ZFPM1: variants seen among roughly 807,000 people sequenced by gnomAD.
The protein encoded by ZFPM1 is zinc finger protein ZFPM1.
ZFPM1 carries 28 observed loss-of-function variants against 46.3 expected under a neutral mutation model. The ratio of observed to expected loss-of-function variants is 0.60; its 90% CI spans 0.45 to 0.83. The LOEUF (loss-of-function observed/expected upper bound fraction) is 0.83. Ranked by LOEUF, ZFPM1 falls within the 40% of genes least tolerant of loss-of-function variation. The probability of loss-of-function intolerance (pLI) is 0.00; values close to 1 mark genes in which losing one functional copy is unlikely to be tolerated. For missense variants in ZFPM1, 1,878 were observed against 1,432.4 expected (o/e 1.31, Z -5.02); for synonymous variants, 957 against 675.9 (o/e 1.42, Z -6.45).
intron 1 of ZFPM1, 43 bp from the exon 2 acceptor site, chr16:88,485,896 C>T (rs1909193330): frequency 2.5e-6 from 4 of 1,578,326 alleles, no homozygotes; most frequent in Non-Finnish European, 2.6e-6. Flanking sequence ...AGGAGCTGTC[C>T]CCCCAGAGCT....
chr16:88,462,163 G>T (rs1330151489), intron 1 of ZFPM1, among the ~76,000 whole-genome samples: 5 of 152,174 alleles, frequency 3.3e-5, no homozygotes, highest in Non-Finnish European at 7.4e-5. Flanking sequence ...CTGTGCCTCC[G>T]TCTGCTTCCC....
intron 1 of ZFPM1, among the ~76,000 whole-genome samples, chr16:88,456,575 A>T (rs536886391): frequency 6.6e-6 from 1 of 152,086 alleles, no homozygotes; most frequent in African/African-American, 2.4e-5. Context: ...CAAGGGGAGC[A>T]GGGGGCACGT....
rs939426761 is a variant in ZFPM1, at chr16:88,536,386, A to G, written c.*1407A>G. The G allele has an allele frequency of 5.9e-5, 9 of 152,122 alleles. No individual in the cohort carries two copies. Among genetic ancestry groups the G allele is most frequent in the Non-Finnish European group, 1.0e-4 (7 of 68,006 alleles). The allele number at this position is 152,122 out of a possible 1,614,324, so 9.4% of individuals were successfully genotyped here. On this transcript the variant is annotated 3_prime_UTR_variant, in exon 10 of 10. Transcript: ENST00000319555. Reference sequence around the variant, plus strand: ...ACAGGGTCTTCCTGTGTTGCCCAAGATGGTCTCAAACTCCTGACCTCCAGT... The same window carrying G: ...ACAGGGTCTTCCTGTGTTGCCCAAGGTGGTCTCAAACTCCTGACCTCCAGT...
intron 4 of ZFPM1, among the ~76,000 whole-genome samples, chr16:88,522,410 G>A (rs1036153058): frequency 6.6e-6 from 1 of 152,218 alleles, no homozygotes; most frequent in Non-Finnish European, 1.5e-5. Flanking sequence ...TGAACCTGCT[G>A]CTGGCCCACT....
At chr16:88,499,008 G>A (rs1018879542) in intron 3 of ZFPM1, among the ~76,000 whole-genome samples, 1 of 152,212 alleles carries the variant, frequency 6.6e-6, no homozygotes, top group Non-Finnish European at 1.5e-5. Flanking sequence ...GGCCCTGTGG[G>A]CGGAGCCCCT....
chr16:88,453,801 CGCCCCCCGCGCTGT>C, intron 1 of ZFPM1, 123 bp downstream of exon 1: 1 of 520,734 alleles, frequency 1.9e-6, no homozygotes, highest in Non-Finnish European at 2.5e-6. Flanking sequence ...CCCCGCGCCG[CGCCCCCCGCGCTGT>C]GCCAAGCGCG....
intron 1 of ZFPM1, among the ~76,000 whole-genome samples, chr16:88,456,922 G>A (rs77729002): frequency 0.024 from 3,668 of 152,266 alleles, 140 homozygotes; most frequent in African/African-American, 0.084. Flanking sequence ...AGGGCCTTCC[G>A]GAAGGAGCCG....
At chr16:88,485,077 A>G (rs113310459) in intron 1 of ZFPM1, among the ~76,000 whole-genome samples, 11 of 152,350 alleles carry the variant, frequency 7.2e-5, no homozygotes, top group African/African-American at 2.4e-4. Context: ...GGGAGTTCCC[A>G]GACCGAGGGA....
Position 88,535,059 on chromosome 16 carries a change from G to C in ZFPM1, c.*80G>C, listed in dbSNP as rs1061797. 0.034 allele frequency: 45,687 copies of C among 1,337,148 alleles called. 1,549 individuals carry two copies. Among genetic ancestry groups the C allele is most frequent in the African/African-American group, 0.17 (11,143 of 66,406 alleles). The allele number at this position is 1,337,148 out of a possible 1,614,324, so 82.8% of individuals were successfully genotyped here. On this transcript the variant is annotated 3_prime_UTR_variant, in exon 10 of 10. Coordinates refer to ENST00000319555, the MANE Select transcript of ZFPM1 (RefSeq NM_153813.3). ...GGGCCGCCCCCAGGCCGCACGGACT[G>C]CCGCTCCTGGGAACCCCGCCACGCA...
Position 88,485,888 on chromosome 16 carries a change from G to A in ZFPM1, c.41-51G>A, listed in dbSNP as rs777819578. The A allele has an allele frequency of 2.5e-6, 4 of 1,573,374 alleles. No individual in the cohort carries two copies. The South Asian group carries it at 4.5e-5, about 18-fold the overall frequency. On this transcript the variant is annotated intron_variant, in intron 1 of 9. Coordinates refer to ENST00000319555, the MANE Select transcript of ZFPM1 (RefSeq NM_153813.3). ...TATGCCAGGAGGGGTCAGGAGGCAG[G>A]AGCTGTCCCCCCAGAGCTCCTCCCG...
intron 3 of ZFPM1, 101 bp downstream of exon 3, chr16:88,489,254 T>C: frequency 6.9e-7 from 1 of 1,457,550 alleles, no homozygotes; most frequent in Admixed American, 2.5e-5. Context: ...GTGTGCAGGT[T>C]GCTGGAGACC....
intron 4 of ZFPM1, 129 bp from the exon 5 acceptor site, chr16:88,526,685 G>A (rs890116605): frequency 2.0e-5 from 20 of 1,003,950 alleles, no homozygotes; most frequent in Non-Finnish European, 3.0e-5. Flanking sequence ...GCCAATGACT[G>A]TCCACAGCTT....
At chr16:88,532,257 G>C in intron 7 of ZFPM1, 22 bp downstream of exon 7, 1 of 1,567,028 alleles carries the variant, frequency 6.4e-7, no homozygotes, top group Non-Finnish European at 8.7e-7. Flanking sequence ...CCCCGGACGC[G>C]GGTCCTCAGG....
chr16:88,482,291 G>A lies in ZFPM1; in HGVS notation c.41-3648G>A, dbSNP rs545674523. ...CCCCAGGTGGGCCACAGACGAGACC[G>A]GTGCTGACTTAGGGGCTCGGTGGGG... On this transcript the variant is annotated intron_variant, in intron 1 of 9. Coordinates refer to ENST00000319555, the MANE Select transcript of ZFPM1 (RefSeq NM_153813.3). 2.4e-3 allele frequency among the ~76,000 whole-genome samples: 371 copies of A among 152,162 alleles called. 2 individuals are homozygous for A. Among genetic ancestry groups the A allele is most frequent in the African/African-American group, 8.5e-3 (352 of 41,514 alleles).
Position 88,526,920 on chromosome 16 carries a change from A to G in ZFPM1, c.505+4A>G, listed in dbSNP as rs1199761496. 7.7e-6 allele frequency: 12 copies of G among 1,565,330 alleles called. No individual in the cohort carries two copies. The East Asian group carries it at 2.8e-4, about 37-fold the overall frequency. On this transcript the variant is annotated splice_donor_region_variant and intron_variant, in intron 5 of 9. Transcript: ENST00000319555. Reference sequence around the variant, plus strand: ...AACACAGAGATCCACAGGAAGGGTCAGTATGACGCGGCACCTCCGTCCCAA... The same window carrying G: ...AACACAGAGATCCACAGGAAGGGTCGGTATGACGCGGCACCTCCGTCCCAA...
At chr16:88,504,676 T>C (rs1910554253) in intron 3 of ZFPM1, among the ~76,000 whole-genome samples, 2 of 152,204 alleles carry the variant, frequency 1.3e-5, no homozygotes, top group Non-Finnish European at 2.9e-5. Flanking sequence ...CGTGGCGCTC[T>C]GCCTGCCAGT....
intron 4 of ZFPM1, among the ~76,000 whole-genome samples, chr16:88,520,481 G>A (rs1911749858): frequency 2.0e-5 from 3 of 151,198 alleles, no homozygotes; most frequent in Admixed American, 1.3e-4. Flanking sequence ...CAGATGTATG[G>A]GTGGATGGAT....
chr16:88,534,526 C>T lies in ZFPM1; in HGVS notation c.2568C>T (p.Cys856=), dbSNP rs772221920. 21 of 1,415,962 alleles carry T rather than the reference C, an allele frequency of 1.5e-5. No individual in the cohort carries two copies. In the Admixed American group the frequency reaches 5.4e-4, roughly 37 times the overall value. 87.7% of individuals were successfully genotyped at this position (1,415,962 alleles called of 1,614,324 possible). A position where few individuals can be genotyped will look rare whatever the true frequency, so the allele number is the denominator to read the frequency against. The change falls in exon 10 of 10, where the codon TGC becomes TGT. Residue 856 remains cysteine, a synonymous_variant. Transcript: ENST00000319555. ...CGCTCGGCCTGCCCGCCGCCGCCTG[C>T]CCCTACTGCCCCCCGAACGGCCCGG... ...PGALGLPAAA[C]PYCPPNGPVR...
Position 88,533,427 on chromosome 16 carries a change from CGTCG to C in ZFPM1, c.1470_1473del (p.Ser491ArgfsTer306). The C allele has an allele frequency of 6.8e-7, 1 of 1,471,192 alleles. No individual in the cohort carries two copies. The highest frequency in any genetic ancestry group is 8.9e-7 in the Non-Finnish European group (1 of 1,121,256). 91.1% of individuals were successfully genotyped at this position (1,471,192 alleles called of 1,614,324 possible). On this transcript the variant is annotated frameshift_variant, in exon 10 of 10. Coordinates refer to ENST00000319555, the MANE Select transcript of ZFPM1 (RefSeq NM_153813.3). LOFTEE classifies it low-confidence loss of function (END_TRUNC). ...GGGCCCCAGGCCCCGTCGCGGACGC[CGTCG>C]CCGCGCAGCCCCGCCCCGGCCAGGG...
Sources: allele counts gnomAD v4.1 joint callset (sites outside exome capture counted in the v4.1 genomes callset), GRCh38; gene constraint gnomAD v4.1.1; transcripts MANE v1.5; gene names NCBI Gene and HGNC (gene_info 2026-07-23, HGNC 2026-07-21).